The following SLC24A3 variants were observed in gnomAD, a reference collection of about 807,000 sequenced individuals.
SLC24A3 encodes the protein sodium/potassium/calcium exchanger 3.
SLC24A3 carries 28 observed loss-of-function variants against 75.8 expected under a neutral mutation model. The ratio of observed to expected loss-of-function variants is 0.37; its 90% CI spans 0.27 to 0.51. SLC24A3 has a LOEUF of 0.51. SLC24A3 is among the 20% of genes least tolerant of loss of function. The probability of loss-of-function intolerance (pLI) is 0.94; values close to 1 mark genes in which losing one functional copy is unlikely to be tolerated. For synonymous variants in SLC24A3, 372 were observed against 334.1 expected (o/e 1.11, Z -1.24); for missense variants, 663 against 847.8 (o/e 0.78, Z 2.71).
chr20:19,424,745 C>CAAAAAAAAAAAAA (rs528342351), intron 2 of SLC24A3, among the ~76,000 whole-genome samples: 1 of 49,160 alleles, frequency 2.0e-5, no homozygotes, highest in African/African-American at 7.7e-5. Flanking sequence ...AAAACAACAA[C>CAAAAAAAAAAAAA]AAAAAAAAAA....
intron 2 of SLC24A3, among the ~76,000 whole-genome samples, chr20:19,512,390 G>T (rs907605056): frequency 6.6e-6 from 1 of 152,188 alleles, no homozygotes; most frequent in Non-Finnish European, 1.5e-5. Context: ...GGCCCTTTGG[G>T]TCCTGCTCCA....
intron 6 of SLC24A3, among the ~76,000 whole-genome samples, chr20:19,612,824 C>T (rs915440610): frequency 6.6e-6 from 1 of 152,100 alleles, no homozygotes. Context: ...CACTCAGAAT[C>T]GTGTCAGAAG....
At chr20:19,343,295 A>C (rs1425597455) in intron 2 of SLC24A3, among the ~76,000 whole-genome samples, 1 of 151,954 alleles carries the variant, frequency 6.6e-6, no homozygotes, top group Non-Finnish European at 1.5e-5. Flanking sequence ...CCTGAGTTTG[A>C]GTCTTGGCTT....
intron 2 of SLC24A3, among the ~76,000 whole-genome samples, chr20:19,376,482 G>A (rs998825370): frequency 1.3e-5 from 2 of 152,186 alleles, no homozygotes; most frequent in Admixed American, 6.5e-5. Context: ...CTGTACCGTA[G>A]CGTGGATAAT....
chr20:19,704,700 T>C (rs1299297635), intron 15 of SLC24A3, among the ~76,000 whole-genome samples: 1 of 151,894 alleles, frequency 6.6e-6, no homozygotes, highest in Non-Finnish European at 1.5e-5. Context: ...GAGCCAGCCA[T>C]GGGAAGAGAG....
intron 2 of SLC24A3, among the ~76,000 whole-genome samples, chr20:19,383,422 C>A (rs1419655339): frequency 6.6e-6 from 1 of 151,938 alleles, no homozygotes; most frequent in African/African-American, 2.4e-5. Flanking sequence ...ACCGAATGAC[C>A]ATTTATCCTG....
chr20:19,504,347 A>C (rs1239735849), intron 2 of SLC24A3, among the ~76,000 whole-genome samples: 2 of 152,232 alleles, frequency 1.3e-5, no homozygotes, highest in African/African-American at 2.4e-5. Context: ...TAACATTAAA[A>C]AATGTCATTG....
chr20:19,325,730 ATATG>A (rs1220545718), intron 2 of SLC24A3, among the ~76,000 whole-genome samples: 2,384 of 135,476 alleles, frequency 0.018, 126 homozygotes, highest in African/African-American at 0.069. Flanking sequence ...GCATATATAT[ATATG>A]TGTGTGTGTG....
Position 19,530,419 on chromosome 20 carries a change from A to G in SLC24A3, c.348+14855A>G, listed in dbSNP as rs549671898. ...CTGGTTCAGTGGTTAAAGGAGGGAGAATCTGGGTGGGTGAGGATGTCAGTA... is the reference window on the plus strand; with the variant it reads ...CTGGTTCAGTGGTTAAAGGAGGGAGGATCTGGGTGGGTGAGGATGTCAGTA... On this transcript the variant is annotated intron_variant, in intron 3 of 16. Coordinates refer to ENST00000328041, the MANE Select transcript of SLC24A3 (RefSeq NM_020689.4). Among the ~76,000 whole-genome samples, 4 of 152,120 alleles carry G rather than the reference A, an allele frequency of 2.6e-5. No homozygotes were observed. In the South Asian group the frequency reaches 8.3e-4, roughly 32 times the overall value.
chr20:19,295,991 C>T (rs1316359022), intron 2 of SLC24A3, among the ~76,000 whole-genome samples: 1 of 151,898 alleles, frequency 6.6e-6, no homozygotes, highest in African/African-American at 2.4e-5. Flanking sequence ...TGGTCCTGGG[C>T]TTTTTTTGGT....
rs1441113219 is a variant in SLC24A3, at chr20:19,665,909, C to T, written c.713+20C>T. On this transcript the variant is annotated intron_variant, in intron 8 of 16. Transcript: ENST00000328041. The stretch of plus-strand genomic sequence containing the variant: ...TTCCTGGTAAGTACCTCTCTTTCCC[C>T]TTCTCATTTCTGAATGTTATGTTGC... 2 of 1,609,942 alleles carry T rather than the reference C, an allele frequency of 1.2e-6. No homozygotes were observed. The highest frequency in any genetic ancestry group is 1.7e-6 in the Non-Finnish European group (2 of 1,178,110).
At chr20:19,669,528 C>CAA (rs2032440879) in intron 8 of SLC24A3, among the ~76,000 whole-genome samples, 1 of 151,780 alleles carries the variant, frequency 6.6e-6, no homozygotes, top group Non-Finnish European at 1.5e-5. Flanking sequence ...AAAAAAGTGT[C>CAA]AGAGGCCCAC....
chr20:19,714,686 G>A (rs575410580), intron 15 of SLC24A3, among the ~76,000 whole-genome samples: 14 of 152,336 alleles, frequency 9.2e-5, no homozygotes, highest in Admixed American at 8.5e-4. Context: ...AGAGAAAAAG[G>A]TGAGAAGTTA....
At chr20:19,553,657 T>A (rs573264972) in intron 3 of SLC24A3, among the ~76,000 whole-genome samples, 1 of 152,294 alleles carries the variant, frequency 6.6e-6, no homozygotes, top group East Asian at 1.9e-4. Flanking sequence ...GCACCGATGC[T>A]GTCCATGTCA....
At chr20:19,553,233 GTGTGTGCACC>G (rs1280632686) in intron 3 of SLC24A3, among the ~76,000 whole-genome samples, 1 of 152,118 alleles carries the variant, frequency 6.6e-6, no homozygotes, top group Non-Finnish European at 1.5e-5. Flanking sequence ...ATCTCTAGGT[GTGTGTGCACC>G]TGTGTGTACA....
chr20:19,700,949 C>A (rs554546680), intron 15 of SLC24A3, among the ~76,000 whole-genome samples: 1 of 152,254 alleles, frequency 6.6e-6, no homozygotes, highest in East Asian at 1.9e-4. Flanking sequence ...ATTTCAAGTT[C>A]TTCTTTAGAT....
intron 1 of SLC24A3, among the ~76,000 whole-genome samples, chr20:19,231,754 C>T (rs1037598168): frequency 5.9e-5 from 9 of 152,204 alleles, no homozygotes; most frequent in South Asian, 2.1e-4. Flanking sequence ...AGGAAACGCA[C>T]GCACCCAGTG....
intron 2 of SLC24A3, among the ~76,000 whole-genome samples, chr20:19,470,643 G>A (rs538219081): frequency 5.9e-5 from 9 of 152,136 alleles, no homozygotes; most frequent in South Asian, 2.1e-4. Flanking sequence ...TGGCTGATGC[G>A]CTGACATTAA....
At position 19,263,567 on chromosome 20, in the gene SLC24A3, G is replaced by T. The variant is rs1018492898; in HGVS notation, c.143-17392G>T. Among the ~76,000 whole-genome samples the T allele has an allele frequency of 2.6e-5, 4 of 152,324 alleles. No individual in the cohort carries two copies. In the East Asian group the frequency reaches 7.7e-4, roughly 29 times the overall value. The stretch of plus-strand genomic sequence containing the variant: ...AAGCCTCCCCGTTTCTCAGGCGCAG[G>T]TGGTGGCCAGGAAAGTCCTGCTTGC... On this transcript the variant is annotated intron_variant, in intron 1 of 16. Coordinates refer to ENST00000328041, the MANE Select transcript of SLC24A3 (RefSeq NM_020689.4).
Sources: allele counts gnomAD v4.1 joint callset (sites outside exome capture counted in the v4.1 genomes callset), GRCh38; gene constraint gnomAD v4.1.1; transcripts MANE v1.5; gene names NCBI Gene and HGNC (gene_info 2026-07-23, HGNC 2026-07-21).